The following PLEC variants were observed in gnomAD, a reference collection of about 807,000 sequenced individuals.
PLEC encodes the protein plectin.
A neutral mutation model predicts 392.8 loss-of-function variants in PLEC; 216 were observed. The observed-to-expected ratio is 0.55, with a 90% CI of 0.49 to 0.62. The LOEUF (loss-of-function observed/expected upper bound fraction) is 0.62. Among genes scored for constraint, PLEC ranks in the 20% least tolerant of loss-of-function variants. The pLI is 0.00. For missense variants in PLEC, 6,863 were observed against 6,563.4 expected (o/e 1.05, Z -1.58); for synonymous variants, 3,621 against 2,980.6 (o/e 1.21, Z -7.00).
intron 25 of PLEC, among the ~76,000 whole-genome samples, 184 bp from the exon 26 acceptor site, chr8:143,928,176 G>A (rs1825924557): frequency 6.6e-6 from 1 of 152,246 alleles, no homozygotes; most frequent in East Asian, 1.9e-4. Context: ...GAAGGAGGTT[G>A]GGAGCCTCTG....
chr8:143,936,129 G>A, intron 5 of PLEC, 115 bp from the exon 6 acceptor site: 2 of 1,188,314 alleles, frequency 1.7e-6, no homozygotes, highest in South Asian at 2.5e-5. Context: ...AGTGCATGGG[G>A]CCACCAAACC....
In PLEC at chr8:143,919,620, G is replaced by A. The variant is rs1554678845; in HGVS notation, c.10201C>T (p.Pro3401Ser). The change falls in exon 32 of 32, where the codon CCC becomes TCC. Residue 3401 changes from proline (P) to serine (S), a missense_variant. Physicochemically the swap from Pro to Ser is moderately conservative, Grantham distance 74 (BLOSUM62 -1). Coordinates refer to ENST00000345136, the MANE Select transcript of PLEC (RefSeq NM_201384.3). ...ACATACAGGCGCTGGTTCCGCACGG[G>A]GTCCACCAGGAAGCCAGTGGCCGCC... ...AQAATGFLVDPVRNQRLYVHE... is the reference protein window; with the variant it reads ...AQAATGFLVDSVRNQRLYVHE... 6.3e-7 allele frequency: 1 copy of A among 1,584,846 alleles called. No individual in the cohort carries two copies. Among genetic ancestry groups the A allele is most frequent in the Non-Finnish European group, 8.6e-7 (1 of 1,168,430 alleles).
chr8:143,925,608 C>T lies in PLEC; in HGVS notation c.4321G>A (p.Glu1441Lys), dbSNP rs1824826894. The change falls in exon 31 of 32, where the codon GAG (glutamate) becomes AAG (lysine). Residue 1441 changes from glutamate (E) to lysine (K), a missense_variant. By Grantham distance (56) the Glu-to-Lys change is moderately conservative. Coordinates refer to ENST00000345136, the MANE Select transcript of PLEC (RefSeq NM_201384.3). The part of the protein sequence containing the change: ...AEIQAKARQA[E>K]AAERSRLRIE... ...CGCAGCCGGCTGCGCTCAGCCGCCT[C>T]TGCCTGCCGGGCCTTGGCCTGGATC... The T allele has an allele frequency of 6.3e-7, 1 of 1,582,320 alleles. No homozygotes were observed. Among genetic ancestry groups the T allele is most frequent in the Non-Finnish European group, 8.5e-7 (1 of 1,171,754 alleles).
At position 143,932,641 on chromosome 8, in the gene PLEC, C is replaced by T; in HGVS notation, c.1809G>A (p.Lys603=). 2 of 1,611,126 alleles carry T rather than the reference C, an allele frequency of 1.2e-6. No homozygotes were observed. Among genetic ancestry groups the T allele is most frequent in the Non-Finnish European group, 1.7e-6 (2 of 1,179,340 alleles). The change falls in exon 15 of 32, where the codon AAG becomes AAA. Residue 603 remains lysine, a synonymous_variant. Transcript: ENST00000345136. ...CLGRLDLQYA[K]LLNSSKARLR... is the part of the protein sequence containing the mutation. ...TGGCCCTGCCCCCACTCACCAGCAG[C>T]TTGGCGTACTGCAGGTCCAGCCGAC...
chr8:143,921,339 C>T lies in PLEC; in HGVS notation c.8482G>A (p.Val2828Met), dbSNP rs374247527. 16 of 1,613,686 alleles carry T rather than the reference C, an allele frequency of 9.9e-6. No individual in the cohort carries two copies. In the East Asian group the frequency reaches 1.1e-4, roughly 11 times the overall value. Residue 2828 changes from valine to methionine, a missense_variant, in exon 32 of 32, where the codon GTG (valine) becomes ATG (methionine). Physicochemically the swap from Val to Met is conservative, Grantham distance 21. Transcript: ENST00000345136. ...TCGAAGTAGCCGCGCCGGTAGGCCA[C>T]GTCCACGGGCACGCGGTGGCTGTGC... ...PVHSHRVPVDVAYRRGYFDEE... is the reference protein window; with the variant it reads ...PVHSHRVPVDMAYRRGYFDEE...
In PLEC at chr8:143,916,161, G is replaced by A. The variant is rs1554668083; in HGVS notation, c.*16C>T. 2 of 1,526,842 alleles carry A rather than the reference G, an allele frequency of 1.3e-6. No individual in the cohort carries two copies. The highest frequency in any genetic ancestry group is 1.8e-6 in the Non-Finnish European group (2 of 1,137,336). The allele number at this position is 1,526,842 out of a possible 1,614,324, so 94.6% of individuals were successfully genotyped here. ...CGGGCTGGGCCGCATGCAGAGCGGG[G>A]TGGGCGCAGGCAGCCTCAGGCCACG... On this transcript the variant is annotated 3_prime_UTR_variant, in exon 32 of 32. Transcript: ENST00000345136.
chr8:143,930,669 G>A (rs1199921471), intron 19 of PLEC, 133 bp from the exon 20 acceptor site: 18 of 932,298 alleles, frequency 1.9e-5, no homozygotes, highest in Non-Finnish European at 2.8e-5. Flanking sequence ...GGAAGCAGGA[G>A]GTATAGCTGG....
chr8:143,938,996 T>TA (rs1554726216), intron 1 of PLEC, among the ~76,000 whole-genome samples: 1 of 151,224 alleles, frequency 6.6e-6, no homozygotes, highest in Non-Finnish European at 1.5e-5. Context: ...CGTCCTGCAG[T>TA]CCCCCCCGGC....
At chr8:143,930,363 G>A (rs1826845288) in intron 20 of PLEC, 21 bp downstream of exon 20, 1 of 1,577,194 alleles carries the variant, frequency 6.3e-7, no homozygotes, top group Non-Finnish European at 8.6e-7. Context: ...GCCCCCCAGT[G>A]GACCCCCGGC....
rs367869993 is a variant in PLEC, at chr8:143,927,098, C to T, written c.3841-17G>A. The T allele has an allele frequency of 2.1e-5, 34 of 1,598,628 alleles. No homozygotes were observed. The highest frequency in any genetic ancestry group is 2.0e-4 in the East Asian group (9 of 44,836). Reference sequence around the variant, plus strand: ...TTCATAGTCCTGTGGCAATGCACTGCGGTCAGCCACCAGCTCTGCCCTCCG... The same window carrying T: ...TTCATAGTCCTGTGGCAATGCACTGTGGTCAGCCACCAGCTCTGCCCTCCG... On this transcript the variant is annotated splice_polypyrimidine_tract_variant and intron_variant, in intron 28 of 31. Transcript: ENST00000345136.
chr8:143,920,988 A>AT lies in PLEC; in HGVS notation c.8832_8833insA (p.Phe2945IlefsTer31). 6.2e-7 allele frequency: 1 copy of AT among 1,613,120 alleles called. No homozygotes were observed. The highest frequency in any genetic ancestry group is 8.5e-7 in the Non-Finnish European group (1 of 1,180,024). The stretch of plus-strand genomic sequence containing the variant: ...TCCACTGTGATCCGGCCCGTGCGGA[A>AT]CTGCCGCAGCAGGTCCCGCCGCTGC... On this transcript the variant is annotated frameshift_variant, in exon 32 of 32. Coordinates refer to ENST00000345136, the MANE Select transcript of PLEC (RefSeq NM_201384.3). LOFTEE classifies it high-confidence loss of function.
chr8:143,923,618 G>A lies in PLEC; in HGVS notation c.6311C>T (p.Ala2104Val), dbSNP rs201959200. The stretch of plus-strand genomic sequence containing the variant: ...TTCCACCTGCCGCCGGGACTGCGCC[G>A]CCTCACGCTCCGCCTGCACCCGGGC... ...EEARVQAEREAAQSRRQVEEA... is the reference protein window; with the variant it reads ...EEARVQAEREVAQSRRQVEEA... Residue 2104 changes from alanine (A) to valine (V), a missense_variant, in exon 31 of 32, where the codon GCG becomes GTG. Coordinates refer to ENST00000345136, the MANE Select transcript of PLEC (RefSeq NM_201384.3). 2,588 of 1,590,920 alleles carry A rather than the reference G, an allele frequency of 1.6e-3. 12 individuals are homozygous for A. The highest frequency in any genetic ancestry group is 0.01 in the South Asian group (921 of 90,248).
rs201855218 is a variant in PLEC, at chr8:143,916,574, G to A, written c.13247C>T (p.Thr4416Met). 386 of 1,611,506 alleles carry A rather than the reference G, an allele frequency of 2.4e-4. No homozygotes were observed. Among genetic ancestry groups the A allele is most frequent in the Admixed American group, 3.7e-4 (22 of 59,982 alleles). ...VPLDEALQRGTVDARTAQKLR... is the reference protein window; with the variant it reads ...VPLDEALQRGMVDARTAQKLR... ...CTTCTGTGCGGTGCGGGCGTCCACC[G>A]TGCCGCGCTGCAGGGCCTCGTCCAG... The change falls in exon 32 of 32, where the codon ACG becomes ATG. Residue 4416 changes from threonine to methionine, a missense_variant. Transcript: ENST00000345136.
intron 30 of PLEC, 24 bp downstream of exon 30, chr8:143,926,760 C>G: frequency 6.3e-7 from 1 of 1,591,310 alleles, no homozygotes; most frequent in East Asian, 2.2e-5. Flanking sequence ...ACCCTCTGCC[C>G]AGCCTCCGCC....
chr8:143,973,391 G>A lies in PLEC; in HGVS notation c.70+12C>T, dbSNP rs782141284. 1.9e-6 allele frequency: 3 copies of A among 1,559,380 alleles called. No individual in the cohort carries two copies. Among genetic ancestry groups the A allele is most frequent in the Admixed American group, 1.9e-5 (1 of 53,702 alleles). ...GGAGCGGCCCGACAGGCAGCGGGAC[G>A]GGGGGCCGTACCTTTGTACTTCTCG... On this transcript the variant is annotated intron_variant, in intron 1 of 31. Transcript: ENST00000356346. This position sits in a 1 kb window ranked among gnomAD's most constrained non-coding sequence, Gnocchi z 5.6.
At chr8:143,943,743 C>T (rs1159457891), upstream of PLEC, 96 of 1,596,826 alleles carry the variant, frequency 6.0e-5, no homozygotes, top group Non-Finnish European at 7.8e-5. Flanking sequence ...CCCTCTGCCC[C>T]GCCTCGAGTC....
chr8:143,918,023 C>G lies in PLEC; in HGVS notation c.11798G>C (p.Ser3933Thr), dbSNP rs1207167364. 1 of 1,610,726 alleles carries G rather than the reference C, an allele frequency of 6.2e-7. No homozygotes were observed. The highest frequency in any genetic ancestry group is 8.5e-7 in the Non-Finnish European group (1 of 1,179,466). Residue 3933 changes from serine to threonine, a missense_variant, in exon 32 of 32, where the codon AGC (serine) becomes ACC (threonine). Physicochemically the swap from Ser to Thr is moderately conservative, Grantham distance 58. Transcript: ENST00000345136. ...KNLQKFLEGT[S>T]CIAGVFVDAT... ...GTCCACGAAGACACCAGCGATGCAG[C>G]TGGTGCCTTCCAGGAACTTCTGCAA...
rs374419983 is a variant in PLEC at position 143,939,416 on chromosome 8, G to C, written c.46C>G (p.Arg16Gly). The change falls in exon 1 of 32, where the codon CGA becomes GGA. Residue 16 changes from arginine to glycine, a missense_variant. Arg to Gly is a moderately radical substitution (Grantham distance 125). Transcript: ENST00000345136. ...TTGTCCTCCGAGCTGGTTCTCTTTC[G>C]GCCCAGGCCCTCGGGCTGCGGCACG... ...LRVPQPEGLG[R>G]KRTSSEDNLY... 10 of 1,612,610 alleles carry C rather than the reference G, an allele frequency of 6.2e-6. No individual in the cohort carries two copies. Among genetic ancestry groups the C allele is most frequent in the Non-Finnish European group, 7.6e-6 (9 of 1,179,800 alleles).
chr8:143,935,139 C>T (rs981293014), intron 7 of PLEC, 22 bp from the exon 8 acceptor site: 6 of 1,612,162 alleles, frequency 3.7e-6, no homozygotes, highest in Admixed American at 1.7e-5. Context: ...GGCAGCTCAG[C>T]GGTGGCTCTG....
Sources: allele counts gnomAD v4.1 joint callset (sites outside exome capture counted in the v4.1 genomes callset), GRCh38; gene constraint gnomAD v4.1.1; non-coding constraint Gnocchi (gnomAD v3.1); transcripts MANE v1.5; gene names NCBI Gene and HGNC (gene_info 2026-07-23, HGNC 2026-07-21).